USH2A: variants seen among roughly 807,000 people sequenced by gnomAD.
The protein encoded by USH2A is Usher syndrome 2A (autosomal recessive, mild).
A neutral mutation model predicts 538.9 loss-of-function variants in USH2A; 443 were observed. That is an observed-to-expected ratio of 0.82 (90% CI 0.76 to 0.89). The LOEUF (loss-of-function observed/expected upper bound fraction) is 0.89. USH2A is among the 40% of genes least tolerant of loss of function. The probability of loss-of-function intolerance (pLI) is 0.00; values close to 1 mark genes in which losing one functional copy is unlikely to be tolerated. For missense variants in USH2A, 6,633 were observed against 6,324.8 expected (o/e 1.05, Z -1.65); for synonymous variants, 2,413 against 2,273.5 (o/e 1.06, Z -1.75).
intron 21 of USH2A, among the ~76,000 whole-genome samples, chr1:216,120,005 G>T (rs2033094930): frequency 6.6e-6 from 1 of 151,700 alleles, no homozygotes; most frequent in Admixed American, 6.6e-5. Context: ...TATTGAAAAA[G>T]AATAAAATCA....
chr1:215,962,314 G>A (rs977696900), intron 37 of USH2A, among the ~76,000 whole-genome samples: 10 of 151,984 alleles, frequency 6.6e-5, no homozygotes, highest in East Asian at 3.9e-4. Context: ...GGAATTTATC[G>A]TATTAATTTA....
chr1:215,675,889 T>A (rs183790288), intron 62 of USH2A, among the ~76,000 whole-genome samples: 15 of 152,256 alleles, frequency 9.9e-5, no homozygotes, highest in African/African-American at 3.6e-4. Flanking sequence ...GGCTATTGAA[T>A]CAGATTCTTT....
At chr1:216,070,443 A>G in intron 29 of USH2A, 151 bp from the exon 30 acceptor site, 1 of 752,296 alleles carries the variant, frequency 1.3e-6, no homozygotes, top group South Asian at 1.6e-5. Flanking sequence ...CATTGATTTA[A>G]TATGACTGCA....
chr1:216,279,549 G>A (rs1022907018), intron 11 of USH2A, among the ~76,000 whole-genome samples: 4 of 151,986 alleles, frequency 2.6e-5, no homozygotes, highest in African/African-American at 7.2e-5. Flanking sequence ...GTATCATCTG[G>A]GAACTTTTAC....
chr1:216,362,432 A>C (rs1167569572), intron 4 of USH2A, among the ~76,000 whole-genome samples: 2 of 152,148 alleles, frequency 1.3e-5, no homozygotes, highest in Non-Finnish European at 2.9e-5. Context: ...AAAGTGGATA[A>C]TTTGTAAGGA....
chr1:216,357,506 T>C (rs2038411372), intron 4 of USH2A, among the ~76,000 whole-genome samples: 1 of 152,112 alleles, frequency 6.6e-6, no homozygotes, highest in Admixed American at 6.6e-5. Flanking sequence ...AGTACAAGCA[T>C]ATGGGCTAAG....
At chr1:215,828,887 A>G (rs1663236190) in intron 47 of USH2A, among the ~76,000 whole-genome samples, 1 of 152,194 alleles carries the variant, frequency 6.6e-6, no homozygotes, top group African/African-American at 2.4e-5. Flanking sequence ...ATAGCACAGT[A>G]CCTAGTGAAG....
At chr1:215,772,918 AG>A (rs1417594324) in intron 55 of USH2A, among the ~76,000 whole-genome samples, 7 of 152,180 alleles carry the variant, frequency 4.6e-5, no homozygotes, top group African/African-American at 1.7e-4. Flanking sequence ...GTGCTTATAA[AG>A]TATTGTGAAT....
intron 22 of USH2A, among the ~76,000 whole-genome samples, chr1:216,093,761 G>C (rs921165836): frequency 6.6e-6 from 1 of 152,144 alleles, no homozygotes; most frequent in Non-Finnish European, 1.5e-5. Flanking sequence ...ACAACCAATG[G>C]CCAGAATTCC....
At chr1:215,911,585 T>C (rs1033809567) in intron 38 of USH2A, among the ~76,000 whole-genome samples, 2 of 152,096 alleles carry the variant, frequency 1.3e-5, no homozygotes, top group African/African-American at 4.8e-5. Flanking sequence ...ATGTACCACA[T>C]TTTGTTTATC....
rs866937010 is a variant in USH2A at position 215,728,074 on chromosome 1, C to A, written c.12022G>T (p.Asp4008Tyr). The A allele has an allele frequency of 3.7e-6, 6 of 1,614,054 alleles. No individual in the cohort carries two copies. In the African/African-American group the frequency reaches 4.0e-5, roughly 11 times the overall value. ...YRVVYQERPD[D>Y]PTFNSPTVHA... Reference sequence around the variant, plus strand: ...ACGGTAGGGCTGTTAAATGTAGGATCGTCGGGTCTCTCCTGGTAGACCACA... The same window carrying A: ...ACGGTAGGGCTGTTAAATGTAGGATAGTCGGGTCTCTCCTGGTAGACCACA... Residue 4008 changes from aspartate (D) to tyrosine (Y), a missense_variant, in exon 61 of 72, where the codon GAT becomes TAT. Physicochemically the swap from Asp to Tyr is radical, Grantham distance 160. Transcript: ENST00000307340.
At chr1:215,781,647 T>C (rs1661645499) in intron 54 of USH2A, among the ~76,000 whole-genome samples, 1 of 152,210 alleles carries the variant, frequency 6.6e-6, no homozygotes, top group Non-Finnish European at 1.5e-5. Flanking sequence ...TTTGCCCTTC[T>C]CTTCATTTTT....
At chr1:216,173,018 GCCTCTTTTCCT>G (rs2034300918) in intron 21 of USH2A, among the ~76,000 whole-genome samples, 2 of 152,100 alleles carry the variant, frequency 1.3e-5, no homozygotes, top group African/African-American at 4.8e-5. Context: ...ACTCACTGGA[GCCTCTTTTCCT>G]CCTGTACTAC....
intron 38 of USH2A, among the ~76,000 whole-genome samples, chr1:215,933,107 G>A (rs552381654): frequency 4.0e-5 from 6 of 151,714 alleles, no homozygotes; most frequent in South Asian, 2.1e-4. Context: ...AAATAAACAC[G>A]CTTATTAAAT....
At chr1:216,140,777 T>C (rs1001092655) in intron 21 of USH2A, among the ~76,000 whole-genome samples, 1 of 152,188 alleles carries the variant, frequency 6.6e-6, no homozygotes, top group Admixed American at 6.5e-5. Context: ...GGCAGGCAAT[T>C]GCCCTAAGGT....
chr1:216,072,613 AT>A, intron 29 of USH2A: 1 of 472,220 alleles, frequency 2.1e-6, no homozygotes, highest in Non-Finnish European at 3.9e-6. Context: ...AGGTGGGACT[AT>A]TACATCCTTA....
At chr1:215,918,635 C>T (rs1666021271) in intron 38 of USH2A, among the ~76,000 whole-genome samples, 1 of 152,036 alleles carries the variant, frequency 6.6e-6, no homozygotes, top group Non-Finnish European at 1.5e-5. Flanking sequence ...CTCAACATGC[C>T]ATTAATTTCA....
chr1:215,928,410 C>G (rs969040127), intron 38 of USH2A, among the ~76,000 whole-genome samples: 1 of 151,776 alleles, frequency 6.6e-6, no homozygotes, highest in Admixed American at 6.6e-5. Flanking sequence ...GCTAGTACAT[C>G]ATTATTTCAA....
intron 50 of USH2A, among the ~76,000 whole-genome samples, chr1:215,794,416 C>A (rs543353485): frequency 7.9e-5 from 12 of 152,114 alleles, no homozygotes; most frequent in African/African-American, 2.9e-4. Flanking sequence ...GGCTTAGGAA[C>A]GATATTATGA....
Sources: allele counts gnomAD v4.1 joint callset (sites outside exome capture counted in the v4.1 genomes callset), GRCh38; gene constraint gnomAD v4.1.1; transcripts MANE v1.5; gene names NCBI Gene and HGNC (gene_info 2026-07-23, HGNC 2026-07-21).